Variants in MTFR1 observed in about 807,000 individuals in gnomAD.
MTFR1 encodes the protein mitochondrial fission regulator 1.
In MTFR1, 28 loss-of-function variants were observed where a neutral mutation model predicts 38.8. The observed-to-expected ratio is 0.72, with a 90% CI of 0.53 to 0.99. The LOEUF (loss-of-function observed/expected upper bound fraction) is 0.99. Among genes scored for constraint, MTFR1 ranks in the 50% least tolerant of loss-of-function variants. The pLI, the probability that MTFR1 is intolerant of heterozygous loss-of-function variation, is 0.00. For missense variants in MTFR1, 358 were observed against 395.5 expected (o/e 0.91, Z 0.81); for synonymous variants, 145 against 137.0 (o/e 1.06, Z -0.41).
At chr8:65,689,474 T>C in intron 3 of MTFR1, 1 of 613,778 alleles carries the variant, frequency 1.6e-6, no homozygotes, top group Non-Finnish European at 2.4e-6. Flanking sequence ...GGTAATTTAG[T>C]GTTATTATTG....
At chr8:65,691,249 T>C (rs1210938503) in intron 3 of MTFR1, among the ~76,000 whole-genome samples, 1 of 152,184 alleles carries the variant, frequency 6.6e-6, no homozygotes, top group African/African-American at 2.4e-5. Context: ...AATTTCATTA[T>C]TAGGTTTATT....
At chr8:65,650,997 A>C (rs537821346) in intron 1 of MTFR1, among the ~76,000 whole-genome samples, 2 of 145,512 alleles carry the variant, frequency 1.4e-5, no homozygotes, top group Admixed American at 1.4e-4. Flanking sequence ...AAGCCATTTT[A>C]ACTGGGTGAG....
intron 3 of MTFR1, among the ~76,000 whole-genome samples, chr8:65,686,600 A>AG (rs1563448452): frequency 7.0e-6 from 1 of 142,942 alleles, no homozygotes; most frequent in African/African-American, 2.6e-5. Flanking sequence ...AAAAAAAAAA[A>AG]GGCACTGTGA....
At chr8:65,660,799 A>T (rs1367305765) in intron 1 of MTFR1, among the ~76,000 whole-genome samples, 1 of 152,342 alleles carries the variant, frequency 6.6e-6, no homozygotes, top group East Asian at 1.9e-4. Flanking sequence ...TTCATAGTTT[A>T]TCAAAATGTG....
rs936401626 is a variant in MTFR1, at chr8:65,766,225, C to T, written c.*49-4722C>T. Among the ~76,000 whole-genome samples the T allele has an allele frequency of 5.3e-5, 8 of 152,268 alleles. No homozygotes were observed. The South Asian group carries it at 1.5e-3, about 28-fold the overall frequency. ...CCTCCCAAAGTGCTGGGATTACAGG[C>T]GTGAGCCACCATGCCCAGCCGAGAT... On this transcript the variant is annotated intron_variant, in intron 3 of 3. Transcript: ENST00000521247.
chr8:65,718,321 C>T (rs1345809571), intron 2 of MTFR1: 1 of 152,288 alleles, frequency 6.6e-6, no homozygotes, highest in Non-Finnish European at 1.5e-5. Context: ...ACACAACATA[C>T]CTCTCACTCA....
At chr8:65,682,810 G>C in intron 3 of MTFR1, 1 of 984,880 alleles carries the variant, frequency 1.0e-6, no homozygotes, top group Non-Finnish European at 1.2e-6. Context: ...TTCCTCTTTG[G>C]ATAGCCACTC....
intron 3 of MTFR1, chr8:65,724,235 C>A: frequency 6.8e-7 from 1 of 1,468,804 alleles, no homozygotes; most frequent in South Asian, 1.1e-5. Context: ...GATTAATTAT[C>A]ACTCAATACT....
At chr8:65,670,861 C>A (rs932292598) in intron 2 of MTFR1, among the ~76,000 whole-genome samples, 2 of 152,012 alleles carry the variant, frequency 1.3e-5, no homozygotes, top group East Asian at 3.9e-4. Flanking sequence ...CACACCACCA[C>A]GGCCAGCTAA....
chr8:65,740,059 C>T (rs543155238), intron 3 of MTFR1, among the ~76,000 whole-genome samples: 1 of 151,222 alleles, frequency 6.6e-6, no homozygotes, highest in East Asian at 2.0e-4. Context: ...TATTCTCATC[C>T]ATACAGGGTT....
At chr8:65,748,009 A>G (rs1198150580) in intron 3 of MTFR1, among the ~76,000 whole-genome samples, 2 of 151,922 alleles carry the variant, frequency 1.3e-5, no homozygotes, top group Admixed American at 6.6e-5. Flanking sequence ...TCTATTTTCA[A>G]TGAAAGAACT....
At chr8:65,664,872 G>A (rs546554832) in intron 1 of MTFR1, among the ~76,000 whole-genome samples, 1 of 151,140 alleles carries the variant, frequency 6.6e-6, no homozygotes, top group Non-Finnish European at 1.5e-5. Context: ...ACAGGCGTGA[G>A]CCACCGTGCC....
At chr8:65,757,952 TCAATTTATAACCCA>T (rs1224325095) in intron 3 of MTFR1, among the ~76,000 whole-genome samples, 1 of 152,198 alleles carries the variant, frequency 6.6e-6, no homozygotes, top group Non-Finnish European at 1.5e-5. Context: ...TTGATTTCCC[TCAATTTATAACCCA>T]CTTACTCATT....
intron 3 of MTFR1, among the ~76,000 whole-genome samples, chr8:65,735,172 C>T (rs557039590): frequency 6.6e-6 from 1 of 152,286 alleles, no homozygotes; most frequent in East Asian, 1.9e-4. Flanking sequence ...AGCAGCATAA[C>T]ACACAAATCC....
intron 2 of MTFR1, among the ~76,000 whole-genome samples, chr8:65,680,470 C>A (rs1240023515): frequency 6.6e-6 from 1 of 152,110 alleles, no homozygotes; most frequent in African/African-American, 2.4e-5. Flanking sequence ...CAGCCCTGAA[C>A]CCCACACTGA....
intron 3 of MTFR1, among the ~76,000 whole-genome samples, chr8:65,730,762 T>C (rs1189148008): frequency 6.6e-6 from 1 of 151,964 alleles, no homozygotes. Flanking sequence ...ACCCCATCTC[T>C]ACTAAAAACA....
In MTFR1 at chr8:65,659,426, G is replaced by GTTTT. The variant is rs35841835; in HGVS notation, c.-80-10433_-80-10430dup. Among the ~76,000 whole-genome samples, 43 of 133,450 alleles carry GTTTT rather than the reference G, an allele frequency of 3.2e-4. No individual in the cohort carries two copies. The East Asian group carries it at 6.1e-3, about 19-fold the overall frequency. 87.5% of individuals were successfully genotyped at this position (133,450 alleles called of 152,430 possible). Reference sequence around the variant, plus strand: ...ATCAAGATCACTGAACAAAGGAGAGGTTTTTTTTTTTTTTTTTCAATCCCT... The same window carrying GTTTT: ...ATCAAGATCACTGAACAAAGGAGAGGTTTTTTTTTTTTTTTTTTTTTCAATCCCT... On this transcript the variant is annotated intron_variant, in intron 1 of 7. Coordinates refer to ENST00000262146, the MANE Select transcript of MTFR1 (RefSeq NM_014637.4).
chr8:65,740,848 C>G (rs1007040473), intron 3 of MTFR1, among the ~76,000 whole-genome samples: 6 of 152,140 alleles, frequency 3.9e-5, no homozygotes, highest in Admixed American at 6.5e-5. Flanking sequence ...CAGACATGTT[C>G]TAGATTCTCT....
chr8:65,661,899 G>C (rs1455453591), intron 1 of MTFR1, among the ~76,000 whole-genome samples: 1 of 152,126 alleles, frequency 6.6e-6, no homozygotes, highest in Non-Finnish European at 1.5e-5. Context: ...GAGAGGTGGA[G>C]AATGCAATGA....
Sources: allele counts gnomAD v4.1 joint callset (sites outside exome capture counted in the v4.1 genomes callset), GRCh38; gene constraint gnomAD v4.1.1; transcripts MANE v1.5; gene names NCBI Gene and HGNC (gene_info 2026-07-23, HGNC 2026-07-21).